Variants in P3H2 observed in about 807,000 individuals in gnomAD.
P3H2 encodes prolyl 3-hydroxylase 2, also known as leprecan-like 1.
Under a neutral mutation model 87.0 loss-of-function variants are expected in P3H2, and 80 were observed. The ratio of observed to expected loss-of-function variants is 0.92; its 90% CI spans 0.77 to 1.11. The LOEUF is 1.11. P3H2 is among the 50% of genes least tolerant of loss of function. P3H2 has a pLI of 0.00. For missense variants in P3H2, 1,001 were observed against 923.9 expected (o/e 1.08, Z -1.08); for synonymous variants, 367 against 359.3 (o/e 1.02, Z -0.24).
intron 13 of P3H2, among the ~76,000 whole-genome samples, chr3:189,966,129 AAGAAAGAAAGAAAGAAAG>A (rs1560339049): frequency 3.6e-5 from 2 of 56,216 alleles, no homozygotes; most frequent in African/African-American, 1.1e-4. Flanking sequence ...AAGAAAAAGA[AAGAAAGAAAGAAAGAAAG>A]AAAGAAAGAA....
Position 190,120,441 on chromosome 3 carries a change from C to T in P3H2, c.291G>A (p.Pro97=). 1 of 1,423,498 alleles carries T rather than the reference C, an allele frequency of 7.0e-7. No homozygotes were observed. The highest frequency in any genetic ancestry group is 3.0e-5 in the East Asian group (1 of 33,312). 88.2% of individuals were successfully genotyped at this position (1,423,498 alleles called of 1,614,324 possible). ...CAGCGCCGGGGCCCTCGCCGGGGGG[C>T]GGGGGCGGGAGCGGGTGGCGCGCCG... ...HCAARHPLPP[P]PPGEGPGAEL... The change falls in exon 1 of 15, where the codon CCG becomes CCA. Residue 97 remains proline (P), a synonymous_variant. Coordinates refer to ENST00000319332, the MANE Select transcript of P3H2 (RefSeq NM_018192.4).
chr3:190,008,947 A>G (rs1436939486), intron 1 of P3H2, among the ~76,000 whole-genome samples: 3 of 152,108 alleles, frequency 2.0e-5, no homozygotes, highest in Non-Finnish European at 2.9e-5. Flanking sequence ...AAGAAATTCT[A>G]TAAGTATTCA....
chr3:190,050,951 T>G (rs981849225), intron 1 of P3H2, among the ~76,000 whole-genome samples: 2 of 152,218 alleles, frequency 1.3e-5, no homozygotes, highest in Non-Finnish European at 2.9e-5. Flanking sequence ...TAGCTGGTCA[T>G]GAAGTCATAA....
intron 1 of P3H2, among the ~76,000 whole-genome samples, chr3:190,009,807 G>A (rs1418166175): frequency 6.6e-6 from 1 of 152,152 alleles, no homozygotes; most frequent in East Asian, 1.9e-4. Context: ...AGGCACTAGA[G>A]GAAATCTCAT....
At chr3:190,065,972 T>C (rs1200843167) in intron 1 of P3H2, among the ~76,000 whole-genome samples, 2 of 152,080 alleles carry the variant, frequency 1.3e-5, no homozygotes, top group African/African-American at 4.8e-5. Flanking sequence ...CCAATGATCA[T>C]TCAGGAGTGT....
intron 1 of P3H2, among the ~76,000 whole-genome samples, chr3:190,004,863 T>A (rs182907923): frequency 0.035 from 5,344 of 151,618 alleles, 146 homozygotes; most frequent in Non-Finnish European, 0.052. Flanking sequence ...AAAAAAAAAA[T>A]TTTAGCTGGC....
At chr3:190,040,962 T>C (rs1394948570) in intron 1 of P3H2, among the ~76,000 whole-genome samples, 2 of 143,294 alleles carry the variant, frequency 1.4e-5, no homozygotes, top group Non-Finnish European at 3.1e-5. Context: ...GGCAGGCAGA[T>C]CACTTGAACT....
intron 1 of P3H2, among the ~76,000 whole-genome samples, chr3:190,069,962 T>C (rs6767660): frequency 0.42 from 63,245 of 151,554 alleles, 14,982 homozygotes; most frequent in African/African-American, 0.67. Context: ...TTTTTTTTTT[T>C]TTCTTCTTCT....
At chr3:189,973,366 T>C (rs710546) in intron 10 of P3H2, among the ~76,000 whole-genome samples, 6 of 151,934 alleles carry the variant, frequency 3.9e-5, no homozygotes, top group Non-Finnish European at 7.4e-5. Flanking sequence ...ATTGTATGTA[T>C]TTTTTGTCAG....
intron 1 of P3H2, among the ~76,000 whole-genome samples, chr3:190,108,029 A>G (rs1577327553): frequency 6.6e-6 from 1 of 151,348 alleles, no homozygotes; most frequent in Non-Finnish European, 1.5e-5. Flanking sequence ...GCAGTCTTGA[A>G]CTCCTGGACT....
chr3:189,961,936 AGT>A (rs1319758128), intron 14 of P3H2, among the ~76,000 whole-genome samples: 1 of 152,202 alleles, frequency 6.6e-6, no homozygotes, highest in African/African-American at 2.4e-5. Flanking sequence ...ATACTAGAAT[AGT>A]GAGGTAATAT....
rs190460815 is a variant in P3H2, at chr3:189,994,138, T to A, written c.779A>T (p.Tyr260Phe). Residue 260 changes from tyrosine (Y) to phenylalanine (F), a missense_variant, in exon 3 of 15, where the codon TAT (tyrosine) becomes TTT (phenylalanine). Transcript: ENST00000319332. ...LCEGPQRFEE[Y>F]EYLGYKAGLY... ...ACCAGCCTTATACCCTAAATACTCA[T>A]ATTCTTCAAATCTCTGAGGCCCCTC... 57 of 1,613,722 alleles carry A rather than the reference T, an allele frequency of 3.5e-5. 1 individual carries two copies. The Admixed American group carries it at 8.2e-4, about 23-fold the overall frequency.
chr3:190,057,928 C>T (rs1217294315), intron 1 of P3H2, among the ~76,000 whole-genome samples: 9 of 151,968 alleles, frequency 5.9e-5, no homozygotes, highest in Admixed American at 5.9e-4. Flanking sequence ...TAAGGCATAG[C>T]TGACCTTCAA....
intron 1 of P3H2, among the ~76,000 whole-genome samples, chr3:190,016,829 A>C (rs1326925006): frequency 6.6e-6 from 1 of 152,144 alleles, no homozygotes; most frequent in Non-Finnish European, 1.5e-5. Flanking sequence ...CAGGACATTC[A>C]CTACCTTCCA....
intron 1 of P3H2, among the ~76,000 whole-genome samples, chr3:190,081,478 G>C (rs1477597456): frequency 6.6e-6 from 1 of 152,008 alleles, no homozygotes; most frequent in Non-Finnish European, 1.5e-5. Context: ...TAAATGGAAA[G>C]AAAAAAGAAT....
At chr3:189,970,486 T>G (rs1723145934) in intron 13 of P3H2, among the ~76,000 whole-genome samples, 1 of 151,706 alleles carries the variant, frequency 6.6e-6, no homozygotes, top group African/African-American at 2.4e-5. Context: ...CTTGGGTGAC[T>G]TAGGAACTGA....
chr3:190,095,806 G>A lies in P3H2; in HGVS notation c.480+24446C>T, dbSNP rs934085903. Among the ~76,000 whole-genome samples the A allele has an allele frequency of 3.3e-5, 5 of 152,126 alleles. No homozygotes were observed. The South Asian group carries it at 6.2e-4, about 19-fold the overall frequency. On this transcript the variant is annotated intron_variant, in intron 1 of 14. Transcript: ENST00000319332. ...TTTGGTAGAGACGGGGTTTCACCAT[G>A]TTAGCCAGGATGGTCTCGATCTCCT... is the stretch of plus-strand genomic sequence containing the variant.
rs1722690201 is a variant in P3H2 at position 189,957,938 on chromosome 3, T to C, written c.2101A>G (p.Asn701Asp). 1.2e-6 allele frequency: 2 copies of C among 1,611,238 alleles called. No homozygotes were observed. The highest frequency in any genetic ancestry group is 1.7e-6 in the Non-Finnish European group (2 of 1,177,436). ...DQEQQGKHEL[N>D]INPKDEL ...TATAGCTCATCTTTAGGGTTGATAT[T>C]CAGTTCATGCTTCCCTTGCTGTTCT... The change falls in exon 15 of 15, where the codon AAT (asparagine) becomes GAT (aspartate). Residue 701 changes from asparagine to aspartate, a missense_variant. Transcript: ENST00000319332.
At chr3:190,106,239 AAAG>A (rs1711832538) in intron 1 of P3H2, among the ~76,000 whole-genome samples, 1 of 152,210 alleles carries the variant, frequency 6.6e-6, no homozygotes, top group Admixed American at 6.5e-5. Flanking sequence ...GGAAGAAAGA[AAAG>A]AACATTTCTT....
Sources: allele counts gnomAD v4.1 joint callset (sites outside exome capture counted in the v4.1 genomes callset), GRCh38; gene constraint gnomAD v4.1.1; transcripts MANE v1.5; gene names NCBI Gene and HGNC (gene_info 2026-07-23, HGNC 2026-07-21).